The following PDZD2 variants were observed in gnomAD, a reference collection of about 807,000 sequenced individuals.
The protein encoded by PDZD2 is PDZ domain containing 2, also known as PDZ domain-containing protein 2.
In PDZD2, 90 loss-of-function variants were observed where a neutral mutation model predicts 220.7. The ratio of observed to expected loss-of-function variants is 0.41; its 90% CI spans 0.34 to 0.49. The LOEUF is 0.49. Ranked by LOEUF, PDZD2 falls within the 20% of genes least tolerant of loss-of-function variation. PDZD2 has a pLI of 0.28. For synonymous variants in PDZD2, 1,375 were observed against 1,450.5 expected (o/e 0.95, Z 1.18); for missense variants, 3,174 against 3,608.5 (o/e 0.88, Z 3.08).
chr5:31,875,597 A>AAAATAT (rs1739232568), intron 2 of PDZD2, among the ~76,000 whole-genome samples: 1 of 141,472 alleles, frequency 7.1e-6, no homozygotes, highest in African/African-American at 2.6e-5. Flanking sequence ...AAAAAAAAAA[A>AAAATAT]ATATATATAT....
At position 31,701,208 on chromosome 5, in the gene PDZD2, T is replaced by A. The variant is rs868392804; in HGVS notation, c.-361+61771T>A. Among the ~76,000 whole-genome samples the A allele has an allele frequency of 6.9e-4, 105 of 152,052 alleles. 1 individual carries two copies. Among genetic ancestry groups the A allele is most frequent in the African/African-American group, 2.2e-3 (92 of 41,518 alleles). On this transcript the variant is annotated intron_variant, in intron 1 of 24. Coordinates refer to ENST00000438447, the MANE Select transcript of PDZD2 (RefSeq NM_178140.4). ...CAGGCCTGGAAAATATATATATATT[T>A]TTTTTTGAGGCAGAGTCTCGCTCTA... is the stretch of plus-strand genomic sequence containing the variant.
At chr5:31,853,516 ATAAT>A (rs1357848461) in intron 2 of PDZD2, among the ~76,000 whole-genome samples, 1 of 152,108 alleles carries the variant, frequency 6.6e-6, no homozygotes, top group Non-Finnish European at 1.5e-5. Context: ...GGTAATGATG[ATAAT>A]TATTTACTAT....
chr5:31,976,568 C>G (rs941426447), intron 2 of PDZD2, among the ~76,000 whole-genome samples: 5 of 152,046 alleles, frequency 3.3e-5, no homozygotes, highest in African/African-American at 1.2e-4. Flanking sequence ...ACCTGACATA[C>G]TCAGATGAAG....
chr5:31,802,086 A>G (rs1754425253), intron 2 of PDZD2, among the ~76,000 whole-genome samples: 1 of 152,168 alleles, frequency 6.6e-6, no homozygotes, highest in African/African-American at 2.4e-5. Flanking sequence ...ATCTTTATTG[A>G]AGCTCTGAAG....
chr5:32,066,497 G>T (rs967763303), intron 14 of PDZD2, among the ~76,000 whole-genome samples: 5 of 152,032 alleles, frequency 3.3e-5, no homozygotes, highest in Non-Finnish European at 5.9e-5. Flanking sequence ...TTGTTTCACT[G>T]CTGGCTCTCT....
chr5:31,813,933 C>T (rs947450496), intron 2 of PDZD2, among the ~76,000 whole-genome samples: 1 of 152,080 alleles, frequency 6.6e-6, no homozygotes, highest in African/African-American at 2.4e-5. Context: ...TTTGGGAGGC[C>T]AAGGTGGGCA....
At position 32,110,171 on chromosome 5, in the gene PDZD2, C is replaced by CTAA. The variant is rs1159224086; in HGVS notation, c.*2044_*2046dup. 1 of 152,572 alleles carries CTAA rather than the reference C, an allele frequency of 6.6e-6. No homozygotes were observed. The highest frequency in any genetic ancestry group is 1.9e-4 in the East Asian group (1 of 5,184). 9.5% of individuals were successfully genotyped at this position (152,572 alleles called of 1,614,324 possible). ...TTCGCCTCCACTCTTACAGCTGTGCCTAATAATAATTAATTAATAAACGCA... is the reference window on the plus strand; with the variant it reads ...TTCGCCTCCACTCTTACAGCTGTGCCTAATAATAATAATTAATTAATAAACGCA... On this transcript the variant is annotated 3_prime_UTR_variant, in exon 25 of 25. Coordinates refer to ENST00000438447, the MANE Select transcript of PDZD2 (RefSeq NM_178140.4).
chr5:31,710,580 G>A (rs1456421655), intron 1 of PDZD2, among the ~76,000 whole-genome samples: 6 of 152,108 alleles, frequency 3.9e-5, no homozygotes, highest in Non-Finnish European at 1.5e-5. Flanking sequence ...CACTTCGGGA[G>A]GCCGAGGCGG....
chr5:31,839,168 C>A (rs1264108450), intron 2 of PDZD2, among the ~76,000 whole-genome samples: 1 of 152,120 alleles, frequency 6.6e-6, no homozygotes, highest in African/African-American at 2.4e-5. Flanking sequence ...TCTTTTACTC[C>A]CCTCCAGAGG....
rs751730258 is a variant in PDZD2, at chr5:32,087,882, C to T, written c.4434C>T (p.Gly1478=). The T allele has an allele frequency of 6.2e-6, 10 of 1,612,508 alleles. No individual in the cohort carries two copies. The Admixed American group carries it at 1.7e-4, about 27-fold the overall frequency. ...GCCGTGCCGAACCAGTCCCGGGGGG[C>T]CAGACCTCCTCCCCGAGGAGGGCCT... is the stretch of plus-strand genomic sequence containing the variant. ...SSCRAEPVPG[G]QTSSPRRAWA... Residue 1478 remains glycine (G), a synonymous_variant, in exon 20 of 25, where the codon GGC becomes GGT. Transcript: ENST00000438447. The surrounding 1 kb of genome is among the most constrained non-coding windows in gnomAD (Gnocchi z 4.0).
intron 2 of PDZD2, among the ~76,000 whole-genome samples, chr5:31,861,125 C>T (rs1737667605): frequency 6.6e-6 from 1 of 152,164 alleles, no homozygotes; most frequent in African/African-American, 2.4e-5. Context: ...TTTGCTTTCT[C>T]CCTGTGTTGC....
chr5:31,998,357 T>A (rs184342228), intron 4 of PDZD2, among the ~76,000 whole-genome samples: 1 of 152,330 alleles, frequency 6.6e-6, no homozygotes, highest in East Asian at 1.9e-4. Flanking sequence ...AAACAGAGAC[T>A]ATCAGAATTC....
At chr5:31,956,336 G>GTTT (rs71598912) in intron 2 of PDZD2, among the ~76,000 whole-genome samples, 40,331 of 133,024 alleles carry the variant, frequency 0.3, 6,384 homozygotes, top group Middle Eastern at 0.4. Flanking sequence ...GAAACTAAGA[G>GTTT]TTTTTTTTTT....
intron 4 of PDZD2, among the ~76,000 whole-genome samples, chr5:31,996,362 G>A (rs1360502153): frequency 6.6e-6 from 1 of 152,222 alleles, no homozygotes; most frequent in East Asian, 1.9e-4. Context: ...AGGATTGCTT[G>A]AGCCCAGGAT....
At chr5:31,786,888 A>G (rs115042623) in intron 1 of PDZD2, among the ~76,000 whole-genome samples, 3,591 of 152,334 alleles carry the variant, frequency 0.024, 123 homozygotes, top group African/African-American at 0.078. Flanking sequence ...ATTTAAATAC[A>G]GTAAATAGAT....
At chr5:31,716,613 G>T (rs1355083406) in intron 1 of PDZD2, among the ~76,000 whole-genome samples, 4 of 152,164 alleles carry the variant, frequency 2.6e-5, no homozygotes, top group Non-Finnish European at 1.5e-5. Context: ...GACTAGCCTG[G>T]CCAACATGGT....
chr5:32,045,376 T>G (rs1217282719), intron 7 of PDZD2, among the ~76,000 whole-genome samples: 1 of 152,142 alleles, frequency 6.6e-6, no homozygotes, highest in Non-Finnish European at 1.5e-5. Flanking sequence ...CTTTTAATTT[T>G]GGTACTTTCA....
Position 32,057,264 on chromosome 5 carries a change from A to G in PDZD2, c.1901-391A>G, listed in dbSNP as rs180880742. Among the ~76,000 whole-genome samples the G allele has an allele frequency of 5.0e-4, 76 of 152,284 alleles. 1 individual carries two copies. The highest frequency in any genetic ancestry group is 3.4e-3 in the Middle Eastern group (1 of 294). ...CTACAAATATAGGAGTGACTTCTCAAATGTTGTATGTGTTCATGCCTCATT... is the reference window on the plus strand; with the variant it reads ...CTACAAATATAGGAGTGACTTCTCAGATGTTGTATGTGTTCATGCCTCATT... On this transcript the variant is annotated intron_variant, in intron 10 of 24. Transcript: ENST00000438447.
intron 10 of PDZD2, among the ~76,000 whole-genome samples, chr5:32,056,005 C>T (rs897183917): frequency 6.6e-6 from 1 of 152,124 alleles, no homozygotes; most frequent in Admixed American, 6.5e-5. Flanking sequence ...TCCTAAATAG[C>T]GTTTTTTCAT....
Sources: allele counts gnomAD v4.1 joint callset (sites outside exome capture counted in the v4.1 genomes callset), GRCh38; gene constraint gnomAD v4.1.1; non-coding constraint Gnocchi (gnomAD v3.1); transcripts MANE v1.5; gene names NCBI Gene and HGNC (gene_info 2026-07-23, HGNC 2026-07-21).